The following RFX4 variants were observed in gnomAD, a reference collection of about 807,000 sequenced individuals.
RFX4 encodes transcription factor RFX4.
RFX4 carries 10 observed loss-of-function variants against 95.0 expected under a neutral mutation model. The ratio of observed to expected loss-of-function variants is 0.11; its 90% CI spans 0.06 to 0.18. RFX4 has a LOEUF of 0.18. Ranked by LOEUF, RFX4 falls within the 10% of genes least tolerant of loss-of-function variation. RFX4 has a pLI of 1.00. For missense variants in RFX4, 640 were observed against 922.0 expected, an observed-to-expected ratio of 0.69 and a Z score of 3.96; for synonymous variants, 321 against 340.7, an observed-to-expected ratio of 0.94 and a Z score of 0.64.
At chr12:106,662,647 C>T (rs2041097438) in intron 4 of RFX4, among the ~76,000 whole-genome samples, 1 of 152,094 alleles carries the variant, frequency 6.6e-6, no homozygotes, top group South Asian at 2.1e-4. Context: ...TACCCAAGGT[C>T]ATCTAAGTTT....
intron 8 of RFX4, among the ~76,000 whole-genome samples, chr12:106,706,425 G>T (rs1433792514): frequency 6.6e-6 from 1 of 152,234 alleles, no homozygotes; most frequent in Non-Finnish European, 1.5e-5. Context: ...AAGTCCGGAT[G>T]AGAGATGACG....
At chr12:106,600,101 T>A (rs2137180516) in intron 1 of RFX4, among the ~76,000 whole-genome samples, 1 of 152,294 alleles carries the variant, frequency 6.6e-6, no homozygotes, top group Non-Finnish European at 1.5e-5. Flanking sequence ...GGCTTATGTA[T>A]GTGCATCTCC....
intron 3 of RFX4, among the ~76,000 whole-genome samples, chr12:106,642,022 T>TATCTATATCTA: frequency 6.6e-6 from 1 of 151,006 alleles, no homozygotes; most frequent in Non-Finnish European, 1.5e-5. Context: ...TCTATATCTA[T>TATCTATATCTA]TTTTTGAGAT....
intron 1 of RFX4, among the ~76,000 whole-genome samples, chr12:106,587,637 C>T (rs544481766): frequency 6.6e-6 from 1 of 152,236 alleles, no homozygotes; most frequent in Non-Finnish European, 1.5e-5. Flanking sequence ...AGCCTCCCCC[C>T]TCACCCGTCC....
rs1310677669 is a variant in RFX4 at position 106,761,757 on chromosome 12, C to G, written c.*288C>G. 6.2e-6 allele frequency: 1 copy of G among 161,254 alleles called. No individual in the cohort carries two copies. Among genetic ancestry groups the G allele is most frequent in the African/African-American group, 2.4e-5 (1 of 41,676 alleles). 10.0% of individuals were successfully genotyped at this position (161,254 alleles called of 1,614,324 possible). A position where few individuals can be genotyped will look rare whatever the true frequency, so the allele number is the denominator to read the frequency against. Reference sequence around the variant, plus strand: ...CGGGCAGGCCATTCTGTGCCTTTTCCCTCTGTTCCATGACTTTGCTTTGTG... The same window carrying G: ...CGGGCAGGCCATTCTGTGCCTTTTCGCTCTGTTCCATGACTTTGCTTTGTG... On this transcript the variant is annotated 3_prime_UTR_variant, in exon 18 of 18. Transcript: ENST00000392842.
chr12:106,747,700 A>G, intron 16 of RFX4, 101 bp downstream of exon 16: 2 of 1,347,564 alleles, frequency 1.5e-6, no homozygotes, highest in East Asian at 2.4e-5. Flanking sequence ...TTGGGAGGCC[A>G]AGGTGGGCCT....
chr12:106,684,224 G>A (rs190101059), intron 5 of RFX4, among the ~76,000 whole-genome samples: 82 of 152,102 alleles, frequency 5.4e-4, no homozygotes, highest in African/African-American at 1.7e-3. Flanking sequence ...AAAATTAGCC[G>A]GGCATGGTGG....
At chr12:106,759,885 GA>G (rs2043179124) in intron 17 of RFX4, among the ~76,000 whole-genome samples, 1 of 152,066 alleles carries the variant, frequency 6.6e-6, no homozygotes, top group South Asian at 2.1e-4. Context: ...CCTCTTTCTT[GA>G]CCTCTGAATT....
intron 3 of RFX4, among the ~76,000 whole-genome samples, chr12:106,652,204 T>C (rs2040868509): frequency 1.3e-5 from 2 of 152,262 alleles, no homozygotes; most frequent in South Asian, 2.1e-4. Flanking sequence ...GACAGGACCA[T>C]TGTTTTGTTC....
chr12:106,637,070 C>T (rs951110366), intron 2 of RFX4, among the ~76,000 whole-genome samples: 6 of 152,102 alleles, frequency 3.9e-5, no homozygotes, highest in East Asian at 1.9e-4. Flanking sequence ...GTGATCGGCC[C>T]GCATCATGTT....
At chr12:106,618,674 T>C (rs2040122812) in intron 2 of RFX4, among the ~76,000 whole-genome samples, 1 of 152,088 alleles carries the variant, frequency 6.6e-6, no homozygotes. Flanking sequence ...TTTTTCACTA[T>C]AGCTTTTTTG....
At chr12:106,635,940 C>T (rs1232135688) in intron 2 of RFX4, among the ~76,000 whole-genome samples, 1 of 152,158 alleles carries the variant, frequency 6.6e-6, no homozygotes, top group East Asian at 1.9e-4. Flanking sequence ...TTTAGGGGTT[C>T]ACTTACCCAC....
intron 15 of RFX4, 38 bp downstream of exon 15, chr12:106,733,123 G>T (rs773230001): frequency 2.7e-5 from 44 of 1,607,346 alleles, no homozygotes; most frequent in Middle Eastern, 1.6e-4. Context: ...GGTAGTTAAT[G>T]TTTGAAGAAA....
chr12:106,590,078 A>G (rs143734671), intron 1 of RFX4, among the ~76,000 whole-genome samples: 1,652 of 152,372 alleles, frequency 0.011, 13 homozygotes, highest in Middle Eastern at 0.027. Context: ...AATTTCAGTA[A>G]GTGATTAGCA....
At chr12:106,672,509 A>G (rs2041303168) in intron 4 of RFX4, among the ~76,000 whole-genome samples, 1 of 152,194 alleles carries the variant, frequency 6.6e-6, no homozygotes, top group South Asian at 2.1e-4. Context: ...ACAAAAAAAG[A>G]AAGAGGGGCT....
chr12:106,735,020 C>T (rs532822310), intron 15 of RFX4, among the ~76,000 whole-genome samples: 1 of 146,288 alleles, frequency 6.8e-6, no homozygotes, highest in East Asian at 2.0e-4. Context: ...GACCACTGCA[C>T]TCCAGCCTGG....
chr12:106,706,920 G>T (rs2042096546), intron 8 of RFX4, among the ~76,000 whole-genome samples: 1 of 152,136 alleles, frequency 6.6e-6, no homozygotes, highest in African/African-American at 2.4e-5. Flanking sequence ...TGGCATGGAG[G>T]ATTTAAATGT....
At chr12:106,656,155 CTT>C (rs1418156364) in intron 4 of RFX4, among the ~76,000 whole-genome samples, 1 of 152,212 alleles carries the variant, frequency 6.6e-6, no homozygotes, top group East Asian at 1.9e-4. Context: ...TGCCCCAAGA[CTT>C]CAGCAAATCT....
intron 17 of RFX4, among the ~76,000 whole-genome samples, chr12:106,757,309 G>A (rs1321451824): frequency 1.3e-5 from 2 of 152,182 alleles, no homozygotes; most frequent in Non-Finnish European, 2.9e-5. Flanking sequence ...GGAAGCCCAG[G>A]AGTTCCAGTG....
Sources: gnomAD v4.1 joint callset for allele counts (sites outside exome capture counted in the v4.1 genomes callset) on GRCh38, gnomAD v4.1.1 for gene constraint, MANE v1.5 for transcripts, NCBI Gene and HGNC (gene_info 2026-07-23, HGNC 2026-07-21) for gene names.